Variants in TMEM132D observed in about 807,000 individuals in gnomAD.
The protein encoded by TMEM132D is transmembrane protein 132D, also known as mature OL transmembrane protein.
A neutral mutation model predicts 62.3 loss-of-function variants in TMEM132D; 21 were observed. The observed-to-expected ratio is 0.34, with a 90% CI of 0.24 to 0.49. The LOEUF (loss-of-function observed/expected upper bound fraction) is 0.49. Among genes scored for constraint, TMEM132D ranks in the 20% least tolerant of loss-of-function variants. TMEM132D has a pLI of 0.99. For missense variants in TMEM132D, 1,346 were observed against 1,402.8 expected (o/e 0.96, Z 0.65); for synonymous variants, 621 against 575.6 (o/e 1.08, Z -1.13).
chr12:129,521,172 G>A (rs568385067), intron 3 of TMEM132D: 7 of 152,252 alleles, frequency 4.6e-5, no homozygotes, highest in Admixed American at 6.5e-5. Context: ...GAGGATTTTC[G>A]AATTCAGGTT....
At chr12:129,499,838 G>C (rs561916163) in intron 3 of TMEM132D, among the ~76,000 whole-genome samples, 1 of 152,122 alleles carries the variant, frequency 6.6e-6, no homozygotes, top group Non-Finnish European at 1.5e-5. Context: ...GGTTCTTAAC[G>C]TTCCCCCTTC....
At chr12:129,561,644 G>A (rs1357520004) in intron 2 of TMEM132D, among the ~76,000 whole-genome samples, 2 of 152,188 alleles carry the variant, frequency 1.3e-5, no homozygotes, top group Non-Finnish European at 2.9e-5. Context: ...TCAACCCTAT[G>A]AGACAGAAAC....
intron 5 of TMEM132D, among the ~76,000 whole-genome samples, chr12:129,200,014 A>G (rs1158883912): frequency 2.6e-5 from 4 of 152,216 alleles, no homozygotes; most frequent in Non-Finnish European, 5.9e-5. Flanking sequence ...CTGTCCAAAT[A>G]GAATGCCGTG....
intron 4 of TMEM132D, among the ~76,000 whole-genome samples, chr12:129,253,625 C>G (rs893347115): frequency 6.6e-6 from 1 of 152,220 alleles, no homozygotes; most frequent in African/African-American, 2.4e-5. Context: ...TACCAGCCAG[C>G]AGTGAGTTTT....
At position 129,877,175 on chromosome 12, in the gene TMEM132D, A is replaced by AATTATATTATAAT. The variant is rs1354188701; in HGVS notation, c.79+26085_79+26086insATTATAATATAAT. 1.4e-4 allele frequency among the ~76,000 whole-genome samples: 21 copies of AATTATATTATAAT among 148,838 alleles called. No homozygotes were observed. In the South Asian group the frequency reaches 4.4e-3, roughly 31 times the overall value. On this transcript the variant is annotated intron_variant, in intron 1 of 8. Coordinates refer to ENST00000422113, the MANE Select transcript of TMEM132D (RefSeq NM_133448.3). ...TAGTTTAACTATGAATATTATATTT[A>AATTATATTATAAT]TAATTATGTAATATTATAGTATAAT...
chr12:129,293,748 C>T (rs945486290), intron 4 of TMEM132D, among the ~76,000 whole-genome samples: 1 of 152,130 alleles, frequency 6.6e-6, no homozygotes, highest in African/African-American at 2.4e-5. Flanking sequence ...TCTAATGCTG[C>T]CACTGATCTG....
intron 1 of TMEM132D, among the ~76,000 whole-genome samples, chr12:129,716,060 T>G (rs1450374363): frequency 6.6e-6 from 1 of 152,218 alleles, no homozygotes; most frequent in Non-Finnish European, 1.5e-5. Flanking sequence ...TAGAAAGCGG[T>G]AGATAAATCT....
At chr12:129,472,816 C>T (rs778064041) in intron 3 of TMEM132D, among the ~76,000 whole-genome samples, 1 of 152,076 alleles carries the variant, frequency 6.6e-6, no homozygotes. Flanking sequence ...ACGGAGAAAT[C>T]TTTCATGAAA....
intron 2 of TMEM132D, among the ~76,000 whole-genome samples, chr12:129,677,273 G>A (rs997425649): frequency 3.9e-5 from 6 of 152,088 alleles, no homozygotes; most frequent in Non-Finnish European, 8.8e-5. Flanking sequence ...GAGATCTGAT[G>A]GTTTTAAAAC....
At chr12:129,897,306 CCTT>C (rs1010292937) in intron 1 of TMEM132D, among the ~76,000 whole-genome samples, 1 of 152,194 alleles carries the variant, frequency 6.6e-6, no homozygotes, top group African/African-American at 2.4e-5. Flanking sequence ...CATCAAGCAT[CCTT>C]CTTCTGCAAA....
At chr12:129,780,602 C>A (rs1871091701) in intron 1 of TMEM132D, among the ~76,000 whole-genome samples, 2 of 151,970 alleles carry the variant, frequency 1.3e-5, no homozygotes. Context: ...ACTTGCCTGG[C>A]TTTGAGGGCA....
chr12:129,774,636 A>G (rs992852406), intron 1 of TMEM132D, among the ~76,000 whole-genome samples: 34 of 152,218 alleles, frequency 2.2e-4, no homozygotes, highest in Non-Finnish European at 4.3e-4. Flanking sequence ...TTGTAATAAG[A>G]GCAGAAACTA....
intron 1 of TMEM132D, among the ~76,000 whole-genome samples, chr12:129,738,640 A>G (rs1869503806): frequency 6.6e-6 from 1 of 152,204 alleles, no homozygotes; most frequent in East Asian, 1.9e-4. Context: ...TCTTGGAGAT[A>G]GAGCCAGCTG....
intron 2 of TMEM132D, among the ~76,000 whole-genome samples, chr12:129,591,798 G>A (rs901681989): frequency 6.6e-6 from 1 of 151,886 alleles, no homozygotes; most frequent in East Asian, 1.9e-4. Flanking sequence ...AAAACATGAA[G>A]AATTTTGAGT....
chr12:129,085,876 G>A (rs1373580334), intron 5 of TMEM132D: 1 of 152,238 alleles, frequency 6.6e-6, no homozygotes, highest in Non-Finnish European at 1.5e-5. Context: ...CTTTCCTGGG[G>A]GAAGGCAATG....
intron 4 of TMEM132D, among the ~76,000 whole-genome samples, chr12:129,309,177 A>T (rs7135809): frequency 0.62 from 93,896 of 151,988 alleles, 29,268 homozygotes; most frequent in Middle Eastern, 0.65. Context: ...ACTGTGAATA[A>T]CTTCTTTAAA....
chr12:129,570,394 A>C (rs1272093931), intron 2 of TMEM132D, among the ~76,000 whole-genome samples: 2 of 152,190 alleles, frequency 1.3e-5, no homozygotes, highest in African/African-American at 4.8e-5. Flanking sequence ...AGCCTGAGAC[A>C]AGGATTCGCG....
At chr12:129,835,316 G>T (rs1872970328) in intron 1 of TMEM132D, among the ~76,000 whole-genome samples, 1 of 152,042 alleles carries the variant, frequency 6.6e-6, no homozygotes, top group Non-Finnish European at 1.5e-5. Context: ...TTTGAGATAG[G>T]ATCTTACTTT....
At chr12:129,356,936 G>GGAGGA (rs1208526033) in intron 3 of TMEM132D, among the ~76,000 whole-genome samples, 34 of 121,796 alleles carry the variant, frequency 2.8e-4, no homozygotes, top group African/African-American at 4.5e-4. Flanking sequence ...AGAGGAGAGG[G>GGAGGA]GAGGGGAGGG....
Sources: allele counts gnomAD v4.1 joint callset (sites outside exome capture counted in the v4.1 genomes callset), GRCh38; gene constraint gnomAD v4.1.1; transcripts MANE v1.5; gene names NCBI Gene and HGNC (gene_info 2026-07-23, HGNC 2026-07-21).